The following HS3ST3A1 variants were observed in gnomAD, a reference collection of about 807,000 sequenced individuals.
HS3ST3A1 encodes the protein heparan sulfate-glucosamine 3-sulfotransferase 3A1.
Under a neutral mutation model 25.7 loss-of-function variants are expected in HS3ST3A1, and 19 were observed. The observed-to-expected ratio is 0.74, with a 90% CI of 0.52 to 1.08. The LOEUF (loss-of-function observed/expected upper bound fraction) is 1.08, where lower values mean the gene tolerates loss of function less well. Ranked by LOEUF, HS3ST3A1 falls within the 50% of genes least tolerant of loss-of-function variation. HS3ST3A1 has a pLI of 0.00. For synonymous variants in HS3ST3A1, 226 were observed against 278.6 expected (o/e 0.81, Z 1.88); for missense variants, 459 against 594.3 (o/e 0.77, Z 2.37).
At chr17:13,512,176 G>A (rs1905885054) in intron 1 of HS3ST3A1, among the ~76,000 whole-genome samples, 1 of 151,948 alleles carries the variant, frequency 6.6e-6, no homozygotes, top group Non-Finnish European at 1.5e-5. Context: ...GCGGGCGCCT[G>A]TAGTCCCAGC....
At chr17:13,563,398 A>G (rs1191284351) in intron 1 of HS3ST3A1, among the ~76,000 whole-genome samples, 1 of 152,134 alleles carries the variant, frequency 6.6e-6, no homozygotes, top group African/African-American at 2.4e-5. Flanking sequence ...CCAATGTTGC[A>G]TTTATTTCAC....
At chr17:13,534,677 C>T (rs1232342009) in intron 1 of HS3ST3A1, among the ~76,000 whole-genome samples, 1 of 151,414 alleles carries the variant, frequency 6.6e-6, no homozygotes, top group Non-Finnish European at 1.5e-5. Context: ...TGCAGTGAGC[C>T]ATGATGCTGC....
chr17:13,554,164 A>G (rs567471977), intron 1 of HS3ST3A1, among the ~76,000 whole-genome samples: 1 of 152,174 alleles, frequency 6.6e-6, no homozygotes, highest in South Asian at 2.1e-4. Context: ...CTTTTTTCTG[A>G]GAGTTTCTAT....
intron 1 of HS3ST3A1, among the ~76,000 whole-genome samples, chr17:13,584,837 A>G (rs576914885): frequency 1.7e-4 from 26 of 152,300 alleles, no homozygotes; most frequent in African/African-American, 6.0e-4. Flanking sequence ...TCCAGGAAAG[A>G]TAGGGAAGGT....
At chr17:13,537,081 G>GCATC (rs369074519) in intron 1 of HS3ST3A1, among the ~76,000 whole-genome samples, 4 of 152,058 alleles carry the variant, frequency 2.6e-5, no homozygotes, top group Non-Finnish European at 4.4e-5. Context: ...GTGCTTCAGA[G>GCATC]CATCCATCCA....
intron 1 of HS3ST3A1, among the ~76,000 whole-genome samples, chr17:13,593,594 A>G (rs936089451): frequency 2.0e-5 from 3 of 152,210 alleles, no homozygotes; most frequent in African/African-American, 7.2e-5. Context: ...GCCCTTCTGA[A>G]GGAAAGGAAA....
chr17:13,586,605 C>A (rs557383798), intron 1 of HS3ST3A1, among the ~76,000 whole-genome samples: 8 of 151,950 alleles, frequency 5.3e-5, no homozygotes, highest in African/African-American at 1.7e-4. Flanking sequence ...CGGTGGCTCA[C>A]GCCTGTAATC....
intron 1 of HS3ST3A1, among the ~76,000 whole-genome samples, chr17:13,527,897 GA>G (rs1207853922): frequency 1.3e-5 from 2 of 152,124 alleles, no homozygotes; most frequent in African/African-American, 4.8e-5. Flanking sequence ...GCTTTTTTGG[GA>G]AATGTATAAT....
At chr17:13,543,203 T>C (rs1906985587) in intron 1 of HS3ST3A1, among the ~76,000 whole-genome samples, 1 of 152,166 alleles carries the variant, frequency 6.6e-6, no homozygotes, top group Non-Finnish European at 1.5e-5. Flanking sequence ...CCCCAATTTA[T>C]AGCCAGATAA....
intron 1 of HS3ST3A1, among the ~76,000 whole-genome samples, chr17:13,557,289 A>T (rs1046124442): frequency 6.6e-6 from 1 of 152,134 alleles, no homozygotes; most frequent in Non-Finnish European, 1.5e-5. Flanking sequence ...CGAATCACAC[A>T]CTCTACTTTT....
chr17:13,547,110 C>T (rs1434306837), intron 1 of HS3ST3A1, among the ~76,000 whole-genome samples: 1 of 152,050 alleles, frequency 6.6e-6, no homozygotes, highest in Non-Finnish European at 1.5e-5. Flanking sequence ...ACACAGAGAC[C>T]CATCCATCAC....
intron 1 of HS3ST3A1, among the ~76,000 whole-genome samples, chr17:13,504,306 G>T (rs543667758): frequency 1.1e-5 from 1 of 93,994 alleles, no homozygotes; most frequent in East Asian, 3.2e-4. Context: ...GACAGAGCGA[G>T]ACTCCATCTC....
At chr17:13,564,119 A>T (rs1440138808) in intron 1 of HS3ST3A1, among the ~76,000 whole-genome samples, 2 of 152,176 alleles carry the variant, frequency 1.3e-5, no homozygotes, top group East Asian at 1.9e-4. Flanking sequence ...TTCTGCCTCC[A>T]TCAGCAGCAC....
At chr17:13,549,158 C>T (rs1907173397) in intron 1 of HS3ST3A1, among the ~76,000 whole-genome samples, 2 of 152,200 alleles carry the variant, frequency 1.3e-5, no homozygotes, top group Non-Finnish European at 2.9e-5. Context: ...AGCAAGATCA[C>T]GAACCCACTG....
intron 1 of HS3ST3A1, among the ~76,000 whole-genome samples, chr17:13,597,477 A>G (rs931150599): frequency 1.3e-5 from 2 of 152,166 alleles, no homozygotes; most frequent in African/African-American, 4.8e-5. Context: ...AGAAATGGAC[A>G]CTATTCATTG....
chr17:13,585,226 G>A (rs71366111), intron 1 of HS3ST3A1, among the ~76,000 whole-genome samples: 2 of 81,880 alleles, frequency 2.4e-5, no homozygotes, highest in Admixed American at 2.1e-4. Context: ...TTGAGACAGA[G>A]TCTTGCTCTG....
At chr17:13,548,257 A>G (rs1467512866) in intron 1 of HS3ST3A1, among the ~76,000 whole-genome samples, 1 of 152,110 alleles carries the variant, frequency 6.6e-6, no homozygotes. Flanking sequence ...GCATCTAGTG[A>G]GGGCTCTCTC....
At chr17:13,562,718 G>A (rs968115886) in intron 1 of HS3ST3A1, among the ~76,000 whole-genome samples, 3 of 152,064 alleles carry the variant, frequency 2.0e-5, no homozygotes, top group Non-Finnish European at 2.9e-5. Context: ...ACGGGCAAAC[G>A]TTTCCACTGG....
intron 1 of HS3ST3A1, among the ~76,000 whole-genome samples, chr17:13,582,032 T>G (rs559078794): frequency 1.2e-3 from 185 of 152,306 alleles, no homozygotes; most frequent in African/African-American, 3.8e-3. Context: ...TACCTTGACT[T>G]AAGCAAACAG....
Sources: allele counts gnomAD v4.1 joint callset (sites outside exome capture counted in the v4.1 genomes callset), GRCh38; gene constraint gnomAD v4.1.1; transcripts MANE v1.5; gene names NCBI Gene and HGNC (gene_info 2026-07-23, HGNC 2026-07-21).